The following UIMC1 variants were observed in gnomAD, a reference collection of about 807,000 sequenced individuals.
UIMC1 encodes ubiquitin interaction motif containing 1.
A neutral mutation model predicts 84.9 loss-of-function variants in UIMC1; 42 were observed. The observed-to-expected ratio is 0.49, with a 90% CI of 0.39 to 0.64. The LOEUF (loss-of-function observed/expected upper bound fraction) is 0.64, where lower values mean the gene tolerates loss of function less well. UIMC1 is among the 30% of genes least tolerant of loss of function. UIMC1 has a pLI of 0.00. For synonymous variants in UIMC1, 281 were observed against 293.0 expected (o/e 0.96, Z 0.42); for missense variants, 825 against 847.6 (o/e 0.97, Z 0.33).
At chr5:176,949,215 C>A (rs1765533137) in intron 9 of UIMC1, among the ~76,000 whole-genome samples, 1 of 151,930 alleles carries the variant, frequency 6.6e-6, no homozygotes, top group African/African-American at 2.4e-5. Flanking sequence ...GTGTGCTGCA[C>A]CCTTTTAATG....
chr5:177,020,699 G>T (rs1775772176), intron 1 of UIMC1, among the ~76,000 whole-genome samples: 1 of 152,020 alleles, frequency 6.6e-6, no homozygotes, highest in Non-Finnish European at 1.5e-5. Flanking sequence ...CCAAAGTGCT[G>T]GATTACAGGC....
intron 10 of UIMC1, among the ~76,000 whole-genome samples, chr5:176,931,382 T>TA (rs1249689384): frequency 2.0e-5 from 3 of 152,216 alleles, no homozygotes; most frequent in Non-Finnish European, 4.4e-5. Flanking sequence ...ACTCAGGTGT[T>TA]AAAAAGAGCT....
intron 10 of UIMC1, among the ~76,000 whole-genome samples, chr5:176,937,566 G>C (rs938778338): frequency 6.6e-6 from 1 of 152,156 alleles, no homozygotes; most frequent in Non-Finnish European, 1.5e-5. Flanking sequence ...CAACGTCATT[G>C]AGCAAAAAAC....
chr5:176,965,143 C>T (rs1014095718), intron 6 of UIMC1, among the ~76,000 whole-genome samples: 1 of 152,128 alleles, frequency 6.6e-6, no homozygotes, highest in African/African-American at 2.4e-5. Flanking sequence ...CTTCTGAAGC[C>T]AGGCGCGGTG....
exon 1 of UIMC1, chr5:177,022,512 GA>G (rs1775913923): frequency 9.9e-6 from 5 of 506,808 alleles, no homozygotes; most frequent in African/African-American, 4.1e-5. Flanking sequence ...GCCTCTCCGG[GA>G]GGGGGGGGTC....
chr5:176,956,440 T>A (rs1766608597), intron 7 of UIMC1, among the ~76,000 whole-genome samples: 1 of 152,188 alleles, frequency 6.6e-6, no homozygotes, highest in Non-Finnish European at 1.5e-5. Context: ...ACACAGAGAT[T>A]CTTCTGACAA....
At chr5:176,982,881 TACAG>T (rs1303831082) in intron 1 of UIMC1, among the ~76,000 whole-genome samples, 2 of 152,184 alleles carry the variant, frequency 1.3e-5, no homozygotes, top group African/African-American at 4.8e-5. Flanking sequence ...GCATTTTTAG[TACAG>T]ACAGAGTTTC....
intron 1 of UIMC1, among the ~76,000 whole-genome samples, chr5:176,992,646 AT>A (rs397817427): frequency 1.5e-4 from 23 of 149,296 alleles, no homozygotes; most frequent in African/African-American, 4.8e-4. Context: ...AAAAAAAAAA[AT>A]TTTTTTTAAT....
rs143974753 is a variant in UIMC1, at chr5:176,944,394, C to A, written c.1444-906G>T. Among the ~76,000 whole-genome samples the A allele has an allele frequency of 8.1e-4, 124 of 152,266 alleles. 1 individual carries two copies. In the East Asian group the frequency reaches 0.02, roughly 25 times the overall value. On this transcript the variant is annotated intron_variant, in intron 9 of 14. Transcript: ENST00000511320. ...TCTCTTAAAGGCAGTTTTATTTTACCTACACAGGTTGATCAGAGCCAAGAA... is the reference window on the plus strand; with the variant it reads ...TCTCTTAAAGGCAGTTTTATTTTACATACACAGGTTGATCAGAGCCAAGAA...
chr5:176,979,209 A>T (rs1406197300), intron 2 of UIMC1, among the ~76,000 whole-genome samples: 1 of 152,244 alleles, frequency 6.6e-6, no homozygotes, highest in Non-Finnish European at 1.5e-5. Flanking sequence ...AGATATGTCT[A>T]ATCACCAATA....
chr5:176,963,788 C>T (rs895015158), intron 6 of UIMC1, among the ~76,000 whole-genome samples: 3 of 151,906 alleles, frequency 2.0e-5, no homozygotes, highest in Non-Finnish European at 4.4e-5. Flanking sequence ...CATACATCAG[C>T]GTGAAGTTTG....
At position 176,965,291 on chromosome 5, in the gene UIMC1, C is replaced by T. The variant is rs985889807; in HGVS notation, c.1200+3264G>A. On this transcript the variant is annotated intron_variant, in intron 6 of 14. Transcript: ENST00000511320. ...ATAAAAAATTAGGCGGGTGTGGTGGCGGGCACCTGTAGTCCCAGCTACTCA... is the reference window on the plus strand; with the variant it reads ...ATAAAAAATTAGGCGGGTGTGGTGGTGGGCACCTGTAGTCCCAGCTACTCA... 4.6e-5 allele frequency among the ~76,000 whole-genome samples: 7 copies of T among 151,720 alleles called. No homozygotes were observed. The East Asian group carries it at 7.7e-4, about 17-fold the overall frequency.
intron 1 of UIMC1, among the ~76,000 whole-genome samples, chr5:176,988,274 G>C (rs1772322802): frequency 1.3e-5 from 2 of 152,094 alleles, no homozygotes; most frequent in Admixed American, 1.3e-4. Flanking sequence ...TAAGGATGCT[G>C]GAGAAACTGG....
intron 10 of UIMC1, among the ~76,000 whole-genome samples, chr5:176,937,349 G>A (rs913899965): frequency 2.6e-4 from 39 of 152,220 alleles, no homozygotes; most frequent in African/African-American, 8.9e-4. Flanking sequence ...CAAAAAATTA[G>A]CCGAGCGTGG....
chr5:176,925,209 C>G (rs191994877), intron 10 of UIMC1, among the ~76,000 whole-genome samples: 1 of 151,960 alleles, frequency 6.6e-6, no homozygotes, highest in Non-Finnish European at 1.5e-5. Context: ...GAACACTTTA[C>G]AGAAGATACA....
intron 6 of UIMC1, among the ~76,000 whole-genome samples, chr5:176,965,476 T>G (rs1415168469): frequency 6.6e-6 from 1 of 151,986 alleles, no homozygotes; most frequent in Non-Finnish European, 1.5e-5. Flanking sequence ...CCTCTTTTAA[T>G]TTTTTTATTT....
chr5:176,909,009 G>A (rs942644637), intron 11 of UIMC1, among the ~76,000 whole-genome samples: 4 of 152,142 alleles, frequency 2.6e-5, no homozygotes, highest in African/African-American at 9.7e-5. Flanking sequence ...ATATTCTGTC[G>A]AACTCTTCCA....
At chr5:176,949,017 C>A (rs1279867086) in intron 9 of UIMC1, among the ~76,000 whole-genome samples, 1 of 151,904 alleles carries the variant, frequency 6.6e-6, no homozygotes, top group Non-Finnish European at 1.5e-5. Flanking sequence ...TATTTTCCTA[C>A]TATATTTATT....
chr5:176,996,658 A>G lies in UIMC1; in HGVS notation c.-9+9992T>C, dbSNP rs62398696. 4.6e-3 allele frequency among the ~76,000 whole-genome samples: 693 copies of G among 152,284 alleles called. 5 individuals carry two copies. The highest frequency in any genetic ancestry group is 0.024 in the Middle Eastern group (7 of 294). On this transcript the variant is annotated intron_variant, in intron 1 of 14. Coordinates refer to ENST00000511320, the MANE Select transcript of UIMC1 (RefSeq NM_001199298.2). ...ATTCACACCTAGGATCAACTCCCCT[A>G]TTCAGTACCCTACTCCTCAGTTCAA... is the stretch of plus-strand genomic sequence containing the variant.
Sources: allele counts gnomAD v4.1 joint callset (sites outside exome capture counted in the v4.1 genomes callset), GRCh38; gene constraint gnomAD v4.1.1; transcripts MANE v1.5; gene names NCBI Gene and HGNC (gene_info 2026-07-23, HGNC 2026-07-21).